RORA: variants seen among roughly 807,000 people sequenced by gnomAD.
The protein encoded by RORA is RAR related orphan receptor A.
In RORA, 7 loss-of-function variants were observed where a neutral mutation model predicts 69.5. The ratio of observed to expected loss-of-function variants is 0.10; its 90% CI spans 0.06 to 0.19. The LOEUF is 0.19. Among genes scored for constraint, RORA ranks in the 10% least tolerant of loss-of-function variants. The probability of loss-of-function intolerance (pLI) is 1.00; values close to 1 mark genes in which losing one functional copy is unlikely to be tolerated. For missense variants in RORA, 457 were observed against 663.0 expected (o/e 0.69, Z 3.41); for synonymous variants, 261 against 240.8 (o/e 1.08, Z -0.78).
intron 1 of RORA, among the ~76,000 whole-genome samples, chr15:60,994,656 C>T (rs576581465): frequency 4.6e-5 from 7 of 152,286 alleles, no homozygotes; most frequent in Non-Finnish European, 8.8e-5. Context: ...CCAGGAATAG[C>T]GGAATGCAAA....
At chr15:60,807,611 T>A (rs1302327336) in intron 1 of RORA, among the ~76,000 whole-genome samples, 1 of 152,140 alleles carries the variant, frequency 6.6e-6, no homozygotes, top group Non-Finnish European at 1.5e-5. Context: ...AGAGCCCACA[T>A]AGCCAAAGCA....
At chr15:60,674,087 C>T (rs996312887) in intron 2 of RORA, among the ~76,000 whole-genome samples, 2 of 152,156 alleles carry the variant, frequency 1.3e-5, no homozygotes, top group African/African-American at 4.8e-5. Flanking sequence ...AATGGAACAC[C>T]CTGCCAGCAA....
intron 1 of RORA, among the ~76,000 whole-genome samples, chr15:60,825,062 T>C (rs1187396738): frequency 6.6e-6 from 1 of 152,230 alleles, no homozygotes; most frequent in Non-Finnish European, 1.5e-5. Flanking sequence ...GCATTGTTGG[T>C]AGGAGAAAAG....
intron 2 of RORA, among the ~76,000 whole-genome samples, chr15:60,536,724 A>G (rs996771844): frequency 6.6e-6 from 1 of 152,272 alleles, no homozygotes; most frequent in Non-Finnish European, 1.5e-5. Flanking sequence ...GCTTGCCAGG[A>G]AACGGCCAAT....
At chr15:60,961,077 A>G (rs1893402188) in intron 1 of RORA, among the ~76,000 whole-genome samples, 1 of 152,138 alleles carries the variant, frequency 6.6e-6, no homozygotes, top group South Asian at 2.1e-4. Flanking sequence ...CCACTCCATC[A>G]AGGTCAAGGG....
intron 1 of RORA, among the ~76,000 whole-genome samples, chr15:61,151,270 T>C (rs965876846): frequency 6.6e-6 from 1 of 152,196 alleles, no homozygotes; most frequent in African/African-American, 2.4e-5. Flanking sequence ...AGTTAGGCAA[T>C]AGAGCCAGGC....
intron 1 of RORA, among the ~76,000 whole-genome samples, chr15:60,912,754 AAAACAAAC>A (rs66522866): frequency 0.022 from 3,388 of 151,320 alleles, 126 homozygotes; most frequent in African/African-American, 0.077. Context: ...ACTCCATCTC[AAAACAAAC>A]AAACAAACAA....
chr15:61,009,599 G>C (rs1895026794), intron 1 of RORA, among the ~76,000 whole-genome samples: 2 of 152,200 alleles, frequency 1.3e-5, no homozygotes, highest in South Asian at 4.1e-4. Flanking sequence ...GTTAACAACA[G>C]TGAGAAATGG....
chr15:60,605,094 A>T (rs2068914505), intron 2 of RORA, among the ~76,000 whole-genome samples: 1 of 152,086 alleles, frequency 6.6e-6, no homozygotes, highest in Non-Finnish European at 1.5e-5. Flanking sequence ...AATTAAGATA[A>T]TTTTTCACTT....
rs1179846434 is a variant in RORA, at chr15:61,072,091, C to T, written c.166+156962G>A. ...TGTCACAGATAAAGAACACCAATTG[C>T]TCCCAATAGAACTCTAACTACAGTA... On this transcript the variant is annotated intron_variant, in intron 1 of 10. Coordinates refer to ENST00000335670, the MANE Select transcript of RORA (RefSeq NM_134261.3). Among the ~76,000 whole-genome samples the T allele has an allele frequency of 3.3e-5, 5 of 152,152 alleles. No homozygotes were observed. In the East Asian group the frequency reaches 9.6e-4, roughly 29 times the overall value.
intron 1 of RORA, among the ~76,000 whole-genome samples, chr15:61,070,945 C>T (rs567484287): frequency 6.6e-6 from 1 of 151,896 alleles, no homozygotes; most frequent in Non-Finnish European, 1.5e-5. Context: ...AGAACATAAG[C>T]GGTTTACATA....
At chr15:60,894,690 T>C (rs890564273) in intron 1 of RORA, among the ~76,000 whole-genome samples, 2 of 152,220 alleles carry the variant, frequency 1.3e-5, no homozygotes, top group African/African-American at 4.8e-5. Context: ...TCTGCAGGTC[T>C]GGGGCAAGGC....
At chr15:60,687,213 A>C (rs1360425733) in intron 1 of RORA, among the ~76,000 whole-genome samples, 4 of 152,222 alleles carry the variant, frequency 2.6e-5, no homozygotes, top group South Asian at 2.1e-4. Flanking sequence ...TAAAAGCCCT[A>C]GGATCCAATG....
intron 1 of RORA, among the ~76,000 whole-genome samples, chr15:61,130,495 T>C (rs966487761): frequency 2.6e-5 from 4 of 152,216 alleles, no homozygotes; most frequent in Non-Finnish European, 5.9e-5. Context: ...CAGTGTGAGA[T>C]GTTTTGGCAG....
chr15:61,101,689 AAGC>A (rs2078882249), intron 1 of RORA, among the ~76,000 whole-genome samples: 1 of 151,962 alleles, frequency 6.6e-6, no homozygotes, highest in South Asian at 2.1e-4. Flanking sequence ...AAAGCCTTTC[AAGC>A]AGGAGAGTGA....
Position 60,973,086 on chromosome 15 carries a change from G to C in RORA, c.166+255967C>G, listed in dbSNP as rs547343366. On this transcript the variant is annotated intron_variant, in intron 1 of 10. Transcript: ENST00000335670. ...GGAATTAGAACAAAAAGTAGAGGCA[G>C]TTTGGTCAGCAGGGCATGGGGAGGA... Among the ~76,000 whole-genome samples the C allele has an allele frequency of 8.5e-4, 129 of 152,198 alleles. 1 individual carries two copies. The highest frequency in any genetic ancestry group is 2.8e-3 in the African/African-American group (118 of 41,548).
chr15:60,506,917 C>T (rs562151394), intron 5 of RORA, among the ~76,000 whole-genome samples: 1 of 151,342 alleles, frequency 6.6e-6, no homozygotes. Flanking sequence ...AACCTGAAAG[C>T]TGGAGGTTGC....
intron 1 of RORA, among the ~76,000 whole-genome samples, chr15:60,943,388 A>T (rs562556068): frequency 6.6e-6 from 1 of 150,998 alleles, no homozygotes; most frequent in African/African-American, 2.4e-5. Flanking sequence ...TCTTGTAGTC[A>T]CTCTTCTGAG....
intron 1 of RORA, among the ~76,000 whole-genome samples, chr15:61,184,109 T>C (rs2079715878): frequency 6.6e-6 from 1 of 152,218 alleles, no homozygotes; most frequent in Non-Finnish European, 1.5e-5. Context: ...AGAATGTACT[T>C]GCTTCCCACA....
Sources: gnomAD v4.1 joint callset for allele counts (sites outside exome capture counted in the v4.1 genomes callset) on GRCh38, gnomAD v4.1.1 for gene constraint, MANE v1.5 for transcripts, NCBI Gene and HGNC (gene_info 2026-07-23, HGNC 2026-07-21) for gene names.